Variants in ZNF570 observed in about 807,000 individuals in gnomAD.
ZNF570 encodes the protein zinc finger protein 570.
In ZNF570, 8 loss-of-function variants were observed where a neutral mutation model predicts 14.2. The ratio of observed to expected loss-of-function variants is 0.56; its 90% confidence interval spans 0.33 to 1.02. The LOEUF (loss-of-function observed/expected upper bound fraction) is 1.02, where lower values mean the gene tolerates loss of function less well. Ranked by LOEUF, ZNF570 falls within the 50% of genes least tolerant of loss-of-function variation. ZNF570 has a pLI of 0.03. For missense variants in ZNF570, 559 were observed against 624.9 expected (o/e 0.89, Z 1.12); for synonymous variants, 202 against 207.6 (o/e 0.97, Z 0.23).
chr19:37,467,822 G>A, upstream of ZNF570: 2 of 1,490,874 alleles, frequency 1.3e-6, no homozygotes, highest in South Asian at 1.2e-5. Context: ...GCGACCTTTT[G>A]TGTGACCATG....
At chr19:37,476,211 A>C (rs1012764956) in intron 3 of ZNF570, 128 bp from the exon 4 acceptor site, 238 of 1,290,966 alleles carry the variant, frequency 1.8e-4, no homozygotes, top group Non-Finnish European at 2.1e-4. Context: ...CTTCTAATAC[A>C]TGTCCTTTAC....
chr19:37,486,013 A>T lies in ZNF570; in HGVS notation c.*780A>T, dbSNP rs1346231693. 1 of 152,108 alleles carries T rather than the reference A, an allele frequency of 6.6e-6. No individual in the cohort carries two copies. Among genetic ancestry groups the T allele is most frequent in the East Asian group, 1.9e-4 (1 of 5,148 alleles). 9.4% of individuals were successfully genotyped at this position (152,108 alleles called of 1,614,324 possible). On this transcript the variant is annotated 3_prime_UTR_variant, in exon 5 of 5. Coordinates refer to ENST00000330173, the MANE Select transcript of ZNF570 (RefSeq NM_144694.5). ...GCCGAGATGGCGCCATTGCATTCCA[A>T]CCTGGGCAACAAGGCTGCAACTCCG... is the stretch of plus-strand genomic sequence containing the variant.
At chr19:37,475,426 G>C (rs978918711) in intron 2 of ZNF570, among the ~76,000 whole-genome samples, 6 of 152,188 alleles carry the variant, frequency 3.9e-5, no homozygotes, top group African/African-American at 1.4e-4. Context: ...CAGAGATACA[G>C]TGAATACTTT....
chr19:37,471,026 T>G (rs1268796127), intron 2 of ZNF570, among the ~76,000 whole-genome samples: 3 of 139,404 alleles, frequency 2.2e-5, no homozygotes, highest in Non-Finnish European at 3.1e-5. Flanking sequence ...TTTTTTTTTT[T>G]TTTGTTGAGA....
chr19:37,475,556 G>A (rs1467656525), intron 2 of ZNF570, among the ~76,000 whole-genome samples: 2 of 152,080 alleles, frequency 1.3e-5, no homozygotes, highest in Non-Finnish European at 2.9e-5. Flanking sequence ...TCTGTACCTG[G>A]GGATAAAGCA....
rs756076621 is a variant in ZNF570, at chr19:37,475,881, G to A, written c.34G>A (p.Glu12Lys). 19 of 1,607,878 alleles carry A rather than the reference G, an allele frequency of 1.2e-5. 1 individual carries two copies. In the Middle Eastern group the frequency reaches 5.0e-4, roughly 42 times the overall value. Reference protein sequence around the residue: ...AVGLLKAMYQELVTFRDVAVD... With the variant: ...AVGLLKAMYQKLVTFRDVAVD... ...GGTTCTTCCATTTATTTCATTTCAGGAGTTGGTGACCTTCAGAGATGTGGC... is the reference window on the plus strand; with the variant it reads ...GGTTCTTCCATTTATTTCATTTCAGAAGTTGGTGACCTTCAGAGATGTGGC... Residue 12 changes from glutamate to lysine, a missense_variant and splice_region_variant, in exon 3 of 5, where the codon GAG (glutamate) becomes AAG (lysine). Transcript: ENST00000330173.
At chr19:37,473,973 G>T (rs909134626) in intron 2 of ZNF570, among the ~76,000 whole-genome samples, 1 of 152,200 alleles carries the variant, frequency 6.6e-6, no homozygotes, top group Non-Finnish European at 1.5e-5. Flanking sequence ...TAAGAGCAAA[G>T]AGGTGACCTG....
At chr19:37,475,422 T>C (rs2042012984) in intron 2 of ZNF570, among the ~76,000 whole-genome samples, 1 of 152,228 alleles carries the variant, frequency 6.6e-6, no homozygotes, top group Non-Finnish European at 1.5e-5. Flanking sequence ...TTTTCAGAGA[T>C]ACAGTGAATA....
At chr19:37,472,424 A>C (rs1226458709) in intron 2 of ZNF570, among the ~76,000 whole-genome samples, 1 of 151,748 alleles carries the variant, frequency 6.6e-6, no homozygotes, top group African/African-American at 2.4e-5. Flanking sequence ...AGCATAGACA[A>C]CTCTTTCAAA....
At chr19:37,477,954 T>C (rs2042045883) in intron 4 of ZNF570, among the ~76,000 whole-genome samples, 1 of 152,192 alleles carries the variant, frequency 6.6e-6, no homozygotes. Context: ...TGTTTCCTTA[T>C]ACCAGTACCA....
At chr19:37,469,256 G>A (rs939621455), upstream of ZNF570, 109 of 1,390,330 alleles carry the variant, frequency 7.8e-5, no homozygotes, top group Non-Finnish European at 9.6e-5. Flanking sequence ...ACACTGCGAC[G>A]CCGCGACCTT....
intron 3 of ZNF570, 140 bp downstream of exon 3, chr19:37,476,147 G>A: frequency 7.3e-7 from 1 of 1,375,846 alleles, no homozygotes. Flanking sequence ...AGTGTTTGTG[G>A]ATTTGGCAGT....
chr19:37,472,628 GCTA>G (rs1398303872), intron 2 of ZNF570, among the ~76,000 whole-genome samples: 1 of 151,868 alleles, frequency 6.6e-6, no homozygotes. Context: ...TGTAATCCCA[GCTA>G]CTCAGGAGGC....
intron 2 of ZNF570, among the ~76,000 whole-genome samples, chr19:37,471,381 T>A (rs1009631585): frequency 6.6e-6 from 1 of 152,130 alleles, no homozygotes; most frequent in African/African-American, 2.4e-5. Flanking sequence ...TACTGTTCCC[T>A]CAGATACCCG....
intron 3 of ZNF570, 72 bp from the exon 4 acceptor site, chr19:37,476,267 C>A: frequency 6.5e-7 from 1 of 1,547,612 alleles, no homozygotes; most frequent in South Asian, 1.2e-5. Flanking sequence ...CCCTGATGAG[C>A]TAAGGATTGA....
intron 4 of ZNF570, among the ~76,000 whole-genome samples, chr19:37,480,940 C>T (rs535451709): frequency 6.6e-6 from 1 of 151,284 alleles, no homozygotes; most frequent in East Asian, 1.9e-4. Flanking sequence ...CAGAGCAAGG[C>T]TCTGTCTCAA....
rs34142052 is a variant in ZNF570 at position 37,471,914 on chromosome 19, ATT to A, written c.33+1544_33+1545del. On this transcript the variant is annotated intron_variant, in intron 2 of 4. Coordinates refer to ENST00000330173, the MANE Select transcript of ZNF570 (RefSeq NM_144694.5). ...AAAATACATCCAGAATCAGACTACT[ATT>A]TTTTTTTTTTTTTTTTGAGATGGAG... 4.9e-3 allele frequency among the ~76,000 whole-genome samples: 660 copies of A among 133,468 alleles called. 3 individuals are homozygous for A. The highest frequency in any genetic ancestry group is 0.015 in the African/African-American group (546 of 35,794). 87.6% of individuals were successfully genotyped at this position (133,468 alleles called of 152,430 possible).
chr19:37,469,364 C>G lies in ZNF570; in HGVS notation c.-245C>G, dbSNP rs1481414574. The G allele has an allele frequency of 5.6e-6, 8 of 1,433,444 alleles. No homozygotes were observed. Among genetic ancestry groups the G allele is most frequent in the Admixed American group, 5.2e-5 (2 of 38,212 alleles). 88.8% of individuals were successfully genotyped at this position (1,433,444 alleles called of 1,614,324 possible). The stretch of plus-strand genomic sequence containing the variant: ...GCGGAGGCAGCTGAGGCGCTTCTTT[C>G]CGGGCCCGTAAGGGCTGGGTTCCAT... On this transcript the variant is annotated 5_prime_UTR_variant, in exon 1 of 5. Coordinates refer to ENST00000330173, the MANE Select transcript of ZNF570 (RefSeq NM_144694.5).
In ZNF570 at chr19:37,484,169, A is replaced by C. The variant is rs1282185801; in HGVS notation, c.547A>C (p.Ile183Leu). Residue 183 changes from isoleucine to leucine, a missense_variant, in exon 5 of 5, where the codon ATC (isoleucine) becomes CTC (leucine). Physicochemically the swap from Ile to Leu is conservative, Grantham distance 5. Coordinates refer to ENST00000330173, the MANE Select transcript of ZNF570 (RefSeq NM_144694.5). ...QNPLLCTQKIIPKEEKVHKHD... is the reference protein window; with the variant it reads ...QNPLLCTQKILPKEEKVHKHD... ...CCCACTGCTTTGTACACAAAAGATA[A>C]TCCCCAAAGAGGAGAAAGTACATAA... 2.5e-6 allele frequency: 4 copies of C among 1,613,762 alleles called. No homozygotes were observed. Among genetic ancestry groups the C allele is most frequent in the Non-Finnish European group, 3.4e-6 (4 of 1,179,958 alleles).
Sources: gnomAD v4.1 joint callset for allele counts (sites outside exome capture counted in the v4.1 genomes callset) on GRCh38, gnomAD v4.1.1 for gene constraint, MANE v1.5 for transcripts, NCBI Gene and HGNC (gene_info 2026-07-23, HGNC 2026-07-21) for gene names.